The following LGR4 variants were observed in gnomAD, a reference collection of about 807,000 sequenced individuals.
LGR4 encodes leucine-rich repeat-containing G protein-coupled receptor 4.
LGR4 carries 44 observed loss-of-function variants against 84.8 expected under a neutral mutation model. That is an observed-to-expected ratio of 0.52 (90% CI 0.41 to 0.67). The LOEUF (loss-of-function observed/expected upper bound fraction) is 0.67. Among genes scored for constraint, LGR4 ranks in the 30% least tolerant of loss-of-function variants. LGR4 has a pLI of 0.00. For missense variants in LGR4, 1,032 were observed against 1,131.4 expected (o/e 0.91, Z 1.26); for synonymous variants, 429 against 434.3 (o/e 0.99, Z 0.15).
intron 1 of LGR4, among the ~76,000 whole-genome samples, chr11:27,414,564 C>T (rs1202400534): frequency 6.6e-6 from 1 of 151,988 alleles, no homozygotes; most frequent in Admixed American, 6.6e-5. Context: ...TCATTGAAAA[C>T]AACTCAAATC....
intron 1 of LGR4, among the ~76,000 whole-genome samples, chr11:27,455,145 T>TC (rs1261756379): frequency 6.6e-6 from 1 of 152,196 alleles, no homozygotes. Flanking sequence ...TAAGTGATCC[T>TC]CCTGTCTCAG....
chr11:27,454,514 C>G (rs537448068), intron 1 of LGR4, among the ~76,000 whole-genome samples: 2 of 152,272 alleles, frequency 1.3e-5, no homozygotes, highest in East Asian at 3.9e-4. Context: ...AATCCCAGCA[C>G]TTTGGGAGGC....
intron 1 of LGR4, among the ~76,000 whole-genome samples, chr11:27,441,521 G>A (rs920391538): frequency 1.3e-5 from 2 of 152,202 alleles, no homozygotes; most frequent in African/African-American, 4.8e-5. Context: ...GAGGCTAAAG[G>A]AATGGACAGA....
intron 2 of LGR4, among the ~76,000 whole-genome samples, chr11:27,395,886 T>C (rs961911219): frequency 6.6e-6 from 1 of 152,260 alleles, no homozygotes; most frequent in South Asian, 2.1e-4. Context: ...TAGTAAACCT[T>C]GGGGATGCTT....
chr11:27,458,787 C>T (rs1373630295), intron 1 of LGR4, among the ~76,000 whole-genome samples: 1 of 152,144 alleles, frequency 6.6e-6, no homozygotes, highest in African/African-American at 2.4e-5. Flanking sequence ...GATCCGCCCA[C>T]CTTGGCCTCC....
intron 1 of LGR4, among the ~76,000 whole-genome samples, chr11:27,467,971 C>T (rs1864810825): frequency 6.6e-6 from 1 of 152,184 alleles, no homozygotes. Flanking sequence ...TAACAAAACT[C>T]TACCATCAAT....
At chr11:27,467,928 A>G (rs1340555234) in intron 1 of LGR4, among the ~76,000 whole-genome samples, 2 of 152,252 alleles carry the variant, frequency 1.3e-5, no homozygotes, top group African/African-American at 2.4e-5. Context: ...AACTAAGCCA[A>G]CAATTGATTT....
At chr11:27,451,798 A>T (rs368033269) in intron 1 of LGR4, among the ~76,000 whole-genome samples, 134 of 152,358 alleles carry the variant, frequency 8.8e-4, no homozygotes, top group African/African-American at 3.1e-3. Context: ...ATCCAAGGTC[A>T]TTCCTCATAC....
Position 27,368,614 on chromosome 11 carries a change from T to C in LGR4, c.2109A>G (p.Ser703=), listed in dbSNP as rs751557587. ...CLPFPTGETP[S]LGFTVTLVLL... ...GCACTAACGTTACAGTGAATCCTAA[T>C]GATGGCGTTTCACCTGTAGGAAATG... is the stretch of plus-strand genomic sequence containing the variant. Residue 703 remains serine (S), a synonymous_variant, in exon 18 of 18, where the codon TCA becomes TCG. Transcript: ENST00000379214. The C allele has an allele frequency of 1.2e-6, 2 of 1,613,950 alleles. No individual in the cohort carries two copies. The highest frequency in any genetic ancestry group is 2.2e-5 in the East Asian group (1 of 44,872).
chr11:27,433,208 A>G (rs1268247805), intron 1 of LGR4, among the ~76,000 whole-genome samples: 2 of 151,998 alleles, frequency 1.3e-5, no homozygotes, highest in African/African-American at 4.8e-5. Flanking sequence ...ACACTCGTCT[A>G]TTCTTTCTTT....
chr11:27,451,675 T>G (rs1045206468), intron 1 of LGR4, among the ~76,000 whole-genome samples: 6 of 152,220 alleles, frequency 3.9e-5, no homozygotes, highest in Non-Finnish European at 5.9e-5. Context: ...CCTGTTTAGA[T>G]AAATGTGTGT....
intron 15 of LGR4, 59 bp downstream of exon 15, chr11:27,373,490 ACT>A (rs1862922301): frequency 4.1e-6 from 6 of 1,446,676 alleles, no homozygotes; most frequent in Admixed American, 4.8e-5. Flanking sequence ...AAACCAGGAC[ACT>A]CTGTAATTTT....
chr11:27,423,628 C>T (rs1863964715), intron 1 of LGR4, among the ~76,000 whole-genome samples: 1 of 152,014 alleles, frequency 6.6e-6, no homozygotes, highest in Non-Finnish European at 1.5e-5. Context: ...AGAAATATTC[C>T]CTTGGGAATG....
chr11:27,394,560 G>A (rs559789263), intron 2 of LGR4, among the ~76,000 whole-genome samples: 4 of 151,988 alleles, frequency 2.6e-5, no homozygotes, highest in South Asian at 2.1e-4. Context: ...CCACCACCAC[G>A]CCCAGCTAAT....
At chr11:27,398,897 TTCTC>T (rs374844521) in intron 2 of LGR4, among the ~76,000 whole-genome samples, 1 of 151,724 alleles carries the variant, frequency 6.6e-6, no homozygotes, top group Non-Finnish European at 1.5e-5. Context: ...CTCTTCCTCT[TTCTC>T]TCTCTCTCTC....
At chr11:27,396,949 G>A (rs1201780394) in intron 2 of LGR4, among the ~76,000 whole-genome samples, 2 of 152,078 alleles carry the variant, frequency 1.3e-5, no homozygotes, top group Non-Finnish European at 2.9e-5. Context: ...GTGTCTCTCT[G>A]CAAGGTTTCA....
At chr11:27,452,772 C>T (rs1182753882) in intron 1 of LGR4, among the ~76,000 whole-genome samples, 5 of 150,134 alleles carry the variant, frequency 3.3e-5, no homozygotes, top group East Asian at 4.0e-4. Flanking sequence ...TACAGGTGCC[C>T]GCCACCACGT....
At chr11:27,426,355 A>G (rs1354993149) in intron 1 of LGR4, among the ~76,000 whole-genome samples, 2 of 152,208 alleles carry the variant, frequency 1.3e-5, no homozygotes. Flanking sequence ...CTGCATTAAA[A>G]ATAGCTTGGG....
chr11:27,391,314 GA>G (rs1863282058), intron 3 of LGR4, 149 bp from the exon 4 acceptor site: 1 of 558,536 alleles, frequency 1.8e-6, no homozygotes, highest in Admixed American at 3.3e-5. Flanking sequence ...TAAGACAAGA[GA>G]ATTGCAAAAC....
Sources: gnomAD v4.1 joint callset for allele counts (sites outside exome capture counted in the v4.1 genomes callset) on GRCh38, gnomAD v4.1.1 for gene constraint, MANE v1.5 for transcripts, NCBI Gene and HGNC (gene_info 2026-07-23, HGNC 2026-07-21) for gene names.